AGBL4: variants seen among roughly 807,000 people sequenced by gnomAD.
AGBL4 encodes AGBL carboxypeptidase 4.
A neutral mutation model predicts 66.4 loss-of-function variants in AGBL4; 58 were observed. That is an observed-to-expected ratio of 0.87 (90% CI 0.71 to 1.09). AGBL4 has a LOEUF of 1.09. AGBL4 is among the 50% of genes least tolerant of loss of function. AGBL4 has a pLI of 0.00. For synonymous variants in AGBL4, 234 were observed against 222.9 expected, an observed-to-expected ratio of 1.05 and a Z score of -0.44; for missense variants, 579 against 631.0, an observed-to-expected ratio of 0.92 and a Z score of 0.88.
intron 9 of AGBL4, among the ~76,000 whole-genome samples, chr1:48,599,446 AT>A (rs972814332): frequency 1.3e-5 from 2 of 152,212 alleles, no homozygotes; most frequent in African/African-American, 4.8e-5. Flanking sequence ...AACAGCTGTG[AT>A]GTCACCAGGT....
chr1:49,516,360 A>T (rs966634562), intron 3 of AGBL4, among the ~76,000 whole-genome samples: 2 of 152,084 alleles, frequency 1.3e-5, no homozygotes, highest in African/African-American at 4.8e-5. Context: ...CAAAGAAGGT[A>T]ACAACTAAAC....
chr1:49,907,094 A>C (rs1233604108), intron 1 of AGBL4, among the ~76,000 whole-genome samples: 3 of 152,166 alleles, frequency 2.0e-5, no homozygotes, highest in African/African-American at 7.2e-5. Context: ...CAAAACAATC[A>C]CAAATGATGT....
intron 8 of AGBL4, among the ~76,000 whole-genome samples, chr1:48,644,183 G>A (rs752583633): frequency 9.2e-5 from 14 of 152,004 alleles, no homozygotes; most frequent in Non-Finnish European, 1.9e-4. Flanking sequence ...TTCAATTAAT[G>A]TTTCGTATTA....
chr1:48,658,061 C>G (rs1316732809), intron 7 of AGBL4, among the ~76,000 whole-genome samples: 1 of 152,188 alleles, frequency 6.6e-6, no homozygotes. Flanking sequence ...ATGACAACTA[C>G]TGTATATTCA....
chr1:49,145,550 T>A (rs766445879), intron 4 of AGBL4, among the ~76,000 whole-genome samples: 29 of 152,172 alleles, frequency 1.9e-4, no homozygotes, highest in Non-Finnish European at 3.8e-4. Flanking sequence ...CCCTATTTTA[T>A]AGATGAAGAA....
At chr1:49,858,256 T>C (rs1304573599) in intron 1 of AGBL4, among the ~76,000 whole-genome samples, 1 of 152,066 alleles carries the variant, frequency 6.6e-6, no homozygotes, top group Non-Finnish European at 1.5e-5. Flanking sequence ...AATTCTTGTA[T>C]ACCATTACAA....
At chr1:49,100,434 C>T (rs941236222) in intron 4 of AGBL4, among the ~76,000 whole-genome samples, 6 of 152,188 alleles carry the variant, frequency 3.9e-5, no homozygotes, top group Admixed American at 3.3e-4. Context: ...GGAACTGGGG[C>T]AATATGTCGT....
intron 4 of AGBL4, among the ~76,000 whole-genome samples, chr1:49,186,499 C>T (rs1306898634): frequency 1.3e-5 from 2 of 152,144 alleles, no homozygotes; most frequent in African/African-American, 2.4e-5. Flanking sequence ...TCAGTTTTAT[C>T]ACCTGTAAAA....
rs541325810 is a variant in AGBL4, at chr1:49,202,772, G to T, written c.377+42998C>A. Among the ~76,000 whole-genome samples the T allele has an allele frequency of 2.6e-5, 4 of 151,860 alleles. No individual in the cohort carries two copies. In the South Asian group the frequency reaches 6.2e-4, roughly 24 times the overall value. On this transcript the variant is annotated intron_variant, in intron 4 of 13. Transcript: ENST00000371839. The stretch of plus-strand genomic sequence containing the variant: ...AATAGACAAATGAGACAACATCAAA[G>T]ATTAAAACTATTACACAGCAAAAGA...
chr1:49,930,477 A>G (rs1011163569), intron 1 of AGBL4, among the ~76,000 whole-genome samples: 1 of 152,144 alleles, frequency 6.6e-6, no homozygotes, highest in Non-Finnish European at 1.5e-5. Context: ...AGACATTACA[A>G]GAAAATAAAA....
At chr1:49,361,446 T>C (rs564652079) in intron 3 of AGBL4, among the ~76,000 whole-genome samples, 4 of 152,238 alleles carry the variant, frequency 2.6e-5, no homozygotes, top group African/African-American at 7.2e-5. Flanking sequence ...TGCCTCATCC[T>C]CTGGAGTAGC....
chr1:49,431,534 G>C (rs1434120246), intron 3 of AGBL4, among the ~76,000 whole-genome samples: 1 of 152,016 alleles, frequency 6.6e-6, no homozygotes, highest in Non-Finnish European at 1.5e-5. Context: ...ATATATGTTT[G>C]GTATCCAGTC....
At chr1:49,561,241 T>A (rs1345806422) in intron 3 of AGBL4, among the ~76,000 whole-genome samples, 2 of 150,486 alleles carry the variant, frequency 1.3e-5, no homozygotes, top group Non-Finnish European at 3.0e-5. Flanking sequence ...TTTTTTAAGT[T>A]TTCTTTTTAA....
chr1:48,869,763 A>G (rs72891862), intron 5 of AGBL4, among the ~76,000 whole-genome samples: 1,977 of 152,210 alleles, frequency 0.013, 40 homozygotes, highest in African/African-American at 0.043. Flanking sequence ...TAGCCAGCAC[A>G]CTGGGGGCTC....
intron 3 of AGBL4, among the ~76,000 whole-genome samples, chr1:49,309,950 C>T (rs943139249): frequency 1.3e-5 from 2 of 151,990 alleles, no homozygotes; most frequent in Non-Finnish European, 2.9e-5. Context: ...GAGTAAAGTG[C>T]ATGTAGGACA....
At chr1:49,768,601 C>G (rs2147877764) in intron 2 of AGBL4, among the ~76,000 whole-genome samples, 1 of 152,208 alleles carries the variant, frequency 6.6e-6, no homozygotes, top group Middle Eastern at 3.4e-3. Flanking sequence ...AACAATTCCC[C>G]TTGAGAACCA....
chr1:48,939,164 G>A (rs1366701381), intron 5 of AGBL4, among the ~76,000 whole-genome samples: 1 of 152,204 alleles, frequency 6.6e-6, no homozygotes, highest in Non-Finnish European at 1.5e-5. Flanking sequence ...TCCTGAGGGT[G>A]GGTTTTTGTG....
intron 2 of AGBL4, among the ~76,000 whole-genome samples, chr1:49,759,671 C>T (rs1170845649): frequency 6.6e-6 from 1 of 152,044 alleles, no homozygotes; most frequent in Non-Finnish European, 1.5e-5. Flanking sequence ...GCAGTTTCTC[C>T]GTGAATATAA....
At chr1:49,506,601 G>C (rs986907802) in intron 3 of AGBL4, among the ~76,000 whole-genome samples, 3 of 151,972 alleles carry the variant, frequency 2.0e-5, no homozygotes, top group African/African-American at 7.2e-5. Context: ...CTTCTGCCAT[G>C]ATTCTGAGGC....
Sources: gnomAD v4.1 joint callset for allele counts (sites outside exome capture counted in the v4.1 genomes callset) on GRCh38, gnomAD v4.1.1 for gene constraint, MANE v1.5 for transcripts, NCBI Gene and HGNC (gene_info 2026-07-23, HGNC 2026-07-21) for gene names.